Variants in RSPH10B observed in about 807,000 individuals in gnomAD.
RSPH10B encodes radial spoke head 10 homolog B.
In RSPH10B, 7 loss-of-function variants were observed where a neutral mutation model predicts 52.5. That is an observed-to-expected ratio of 0.13 (90% CI 0.08 to 0.25). RSPH10B has a LOEUF of 0.25. RSPH10B is among the 10% of genes least tolerant of loss of function. The pLI is 1.00. For missense variants in RSPH10B, 89 were observed against 542.5 expected (o/e 0.16, Z 8.30); for synonymous variants, 28 against 193.2 (o/e 0.14, Z 7.09).
chr7:5,940,095 G>A (rs1295729029), intron 13 of RSPH10B, among the ~76,000 whole-genome samples: 2 of 126,830 alleles, frequency 1.6e-5, no homozygotes, highest in African/African-American at 2.8e-5. Flanking sequence ...TACTCGGGAG[G>A]CTGAGGCAAG....
rs541800700 is a variant in RSPH10B at position 5,947,627 on chromosome 7, G to A, written c.1414+593C>T. Among the ~76,000 whole-genome samples the A allele has an allele frequency of 1.6e-3, 166 of 104,292 alleles. 3 individuals are homozygous for A. Among genetic ancestry groups the A allele is most frequent in the African/African-American group, 5.4e-3 (155 of 28,516 alleles). 68.4% of individuals were successfully genotyped at this position (104,292 alleles called of 152,430 possible). A position where few individuals can be genotyped will look rare whatever the true frequency, so the allele number is the denominator to read the frequency against. On this transcript the variant is annotated intron_variant, in intron 10 of 18. Coordinates refer to ENST00000337579, the Ensembl canonical transcript of RSPH10B. ...CTACTCAGGAGGCTGAGGCAGGAGA[G>A]TCACTTGAACCCAGGAGACAGAGGT...
At chr7:5,958,940 G>A (rs1780832685) in intron 5 of RSPH10B, 53 bp downstream of exon 7, 2 of 1,339,226 alleles carry the variant, frequency 1.5e-6, no homozygotes, top group Admixed American at 3.6e-5. Context: ...ACGCTATTGG[G>A]CCCACAAACC....
chr7:5,943,940 T>C (rs1160080209), exon 12 of RSPH10B: 2 of 1,602,926 alleles, frequency 1.2e-6, no homozygotes, highest in Non-Finnish European at 1.7e-6. Context: ...TGGACGAATG[T>C]TCTCGGTCAT....
chr7:5,943,611 T>C (rs1276686068), intron 12 of RSPH10B, 139 bp from the exon 15 acceptor site: 1 of 680,406 alleles, frequency 1.5e-6, no homozygotes, highest in African/African-American at 1.9e-5. Context: ...TGGCACCATC[T>C]TGGCTCGCTG....
chr7:5,931,326 G>A (rs1251278376), intron 17 of RSPH10B, among the ~76,000 whole-genome samples: 4 of 151,216 alleles, frequency 2.6e-5, no homozygotes, highest in Admixed American at 2.0e-4. Context: ...GACAGGCACT[G>A]TAGAGGGGGA....
intron 18 of RSPH10B, among the ~76,000 whole-genome samples, chr7:5,927,099 T>G (rs1459850668): frequency 1.9e-5 from 2 of 103,488 alleles, no homozygotes; most frequent in South Asian, 2.9e-4. Context: ...TGTGTGTGTA[T>G]TTTTTTTTTT....
intron 3 of RSPH10B, among the ~76,000 whole-genome samples, chr7:5,961,594 C>T (rs1218484569): frequency 1.2e-5 from 1 of 82,708 alleles, no homozygotes; most frequent in African/African-American, 4.4e-5. Context: ...CCACCTGCCT[C>T]GGCTTCCCAA....
intron 14 of RSPH10B, among the ~76,000 whole-genome samples, chr7:5,938,343 G>A (rs1780031301): frequency 8.5e-6 from 1 of 117,960 alleles, no homozygotes; most frequent in African/African-American, 3.0e-5. Context: ...CGAGGCAGGT[G>A]GATCACGAGG....
chr7:5,927,048 T>TGTGTGTGTGTGTGTG (rs1347951159), intron 18 of RSPH10B, among the ~76,000 whole-genome samples: 2 of 70,890 alleles, frequency 2.8e-5, no homozygotes, highest in African/African-American at 8.5e-5. Flanking sequence ...TGTGTGTGTA[T>TGTGTGTGTGTGTGTG]TATGTGTGTG....
exon 19 of RSPH10B, chr7:5,926,529 T>C: frequency 6.2e-7 from 1 of 1,605,584 alleles, no homozygotes; most frequent in South Asian, 1.1e-5. Flanking sequence ...TCTTCCTCTC[T>C]CAAGATGAAG....
chr7:5,940,019 A>C (rs1780104871), intron 13 of RSPH10B, among the ~76,000 whole-genome samples: 1 of 122,094 alleles, frequency 8.2e-6, no homozygotes, highest in Admixed American at 8.9e-5. Flanking sequence ...ACATGGACAA[A>C]CCGCATCTCT....
intron 18 of RSPH10B, among the ~76,000 whole-genome samples, chr7:5,927,361 G>A (rs1199732749): frequency 4.4e-5 from 3 of 67,546 alleles, no homozygotes; most frequent in African/African-American, 1.2e-4. Context: ...TGGGGTTACC[G>A]GCATGTGCCA....
At chr7:5,929,102 C>G (rs1344665190) in intron 17 of RSPH10B, among the ~76,000 whole-genome samples, 1 of 146,192 alleles carries the variant, frequency 6.8e-6, no homozygotes, top group Non-Finnish European at 1.5e-5. Flanking sequence ...TGGAGGAACT[C>G]CTGGGCTCAA....
At chr7:5,950,476 C>A (rs1448603886) in intron 9 of RSPH10B, among the ~76,000 whole-genome samples, 2 of 151,164 alleles carry the variant, frequency 1.3e-5, no homozygotes, top group African/African-American at 4.9e-5. Context: ...GAGGCTGAGG[C>A]AGGAGAATCC....
chr7:5,947,494 A>T (rs1437057670), intron 10 of RSPH10B, among the ~76,000 whole-genome samples: 1 of 45,340 alleles, frequency 2.2e-5, no homozygotes, highest in African/African-American at 7.7e-5. Context: ...CGGGCAGATC[A>T]TCTGAGGTCG....
chr7:5,940,125 A>T (rs1780112938), intron 13 of RSPH10B, among the ~76,000 whole-genome samples: 2 of 120,170 alleles, frequency 1.7e-5, no homozygotes, highest in African/African-American at 2.9e-5. Context: ...TGAGCCCAGG[A>T]GGCAGAGGTT....
intron 3 of RSPH10B, among the ~76,000 whole-genome samples, chr7:5,964,277 T>A (rs1232512373): frequency 1.3e-5 from 2 of 150,634 alleles, no homozygotes; most frequent in African/African-American, 2.5e-5. Flanking sequence ...ACGTGTGCTC[T>A]CTGTGCTTAG....
intron 16 of RSPH10B, among the ~76,000 whole-genome samples, chr7:5,933,405 A>G (rs1779869986): frequency 8.7e-6 from 1 of 115,496 alleles, no homozygotes; most frequent in African/African-American, 3.0e-5. Context: ...GCCTCTCAAA[A>G]AAAAACCCCA....
chr7:5,943,132 G>C (rs1191558822), intron 13 of RSPH10B, 192 bp downstream of exon 15: 6 of 1,284,028 alleles, frequency 4.7e-6, no homozygotes, highest in Non-Finnish European at 5.3e-6. Context: ...GCAGGTGACG[G>C]CTGTTTCTGT....
Sources: gnomAD v4.1 joint callset for allele counts (sites outside exome capture counted in the v4.1 genomes callset) on GRCh38, gnomAD v4.1.1 for gene constraint, MANE v1.5 for transcripts, NCBI Gene and HGNC (gene_info 2026-07-23, HGNC 2026-07-21) for gene names.